MTR: variants seen among roughly 807,000 people sequenced by gnomAD.
MTR encodes 5-methyltetrahydrofolate-homocysteine methyltransferase.
In MTR, 84 loss-of-function variants were observed where a neutral mutation model predicts 154.8. That is an observed-to-expected ratio of 0.54 (90% CI 0.45 to 0.65). The LOEUF is 0.65. MTR is among the 30% of genes least tolerant of loss of function. The probability of loss-of-function intolerance (pLI) is 0.00; values close to 1 mark genes in which losing one functional copy is unlikely to be tolerated. For missense variants in MTR, 1,275 were observed against 1,570.2 expected (o/e 0.81, Z 3.18); for synonymous variants, 554 against 553.9 (o/e 1.00, Z 0.00).
chr1:236,824,305 A>G (rs1429960765), intron 9 of MTR, 86 bp downstream of exon 9: 3 of 1,172,622 alleles, frequency 2.6e-6, no homozygotes, highest in Non-Finnish European at 1.3e-6. Flanking sequence ...TGAATAAAAG[A>G]TCTTGTTTTG....
intron 29 of MTR, among the ~76,000 whole-genome samples, chr1:236,891,853 T>G (rs1422140403): frequency 6.6e-6 from 1 of 152,098 alleles, no homozygotes; most frequent in Admixed American, 6.5e-5. Flanking sequence ...TAAGTTTGTG[T>G]TTTACAGAGA....
At chr1:236,838,223 T>C (rs1172630363) in intron 14 of MTR, among the ~76,000 whole-genome samples, 191 bp from the exon 15 acceptor site, 1 of 152,274 alleles carries the variant, frequency 6.6e-6, no homozygotes, top group African/African-American at 2.4e-5. Context: ...ATGGAGTATC[T>C]TGTAAGACTG....
intron 13 of MTR, among the ~76,000 whole-genome samples, chr1:236,834,596 G>A (rs890139099): frequency 6.6e-6 from 1 of 151,874 alleles, no homozygotes; most frequent in Non-Finnish European, 1.5e-5. Flanking sequence ...CACAATGAGT[G>A]CTAAAAGTTT....
chr1:236,863,348 G>A (rs1326075411), intron 21 of MTR, 106 bp from the exon 22 acceptor site: 1 of 868,848 alleles, frequency 1.2e-6, no homozygotes, highest in Non-Finnish European at 1.9e-6. Flanking sequence ...AGGTGCTCTT[G>A]GTTGTATTGA....
rs562187930 is a variant in MTR, at chr1:236,875,721, CT to C, written c.2594+876del. Among the ~76,000 whole-genome samples, 149 of 152,250 alleles carry C rather than the reference CT, an allele frequency of 9.8e-4. 1 individual carries two copies. The highest frequency in any genetic ancestry group is 1.9e-3 in the Non-Finnish European group (126 of 68,012). On this transcript the variant is annotated intron_variant, in intron 24 of 32. Coordinates refer to ENST00000366577, the MANE Select transcript of MTR (RefSeq NM_000254.3). Reference sequence around the variant, plus strand: ...TCCATAGGTATGCCACAATAAAGGTCTGGTTATAGGTATGCAAAAGAAAAGT... The same window carrying C: ...TCCATAGGTATGCCACAATAAAGGTCGGTTATAGGTATGCAAAAGAAAAGT...
At chr1:236,830,101 C>T (rs1184791537) in intron 12 of MTR, among the ~76,000 whole-genome samples, 27 of 152,056 alleles carry the variant, frequency 1.8e-4, no homozygotes, top group Admixed American at 1.8e-3. Flanking sequence ...ACTTTTCTCA[C>T]TCAGAACATA....
intron 25 of MTR, among the ~76,000 whole-genome samples, chr1:236,884,155 C>G (rs1665896712): frequency 6.6e-6 from 1 of 152,168 alleles, no homozygotes; most frequent in Non-Finnish European, 1.5e-5. Context: ...AGCAGAAAGT[C>G]AGTGGACTAT....
intron 15 of MTR, among the ~76,000 whole-genome samples, chr1:236,848,577 C>G (rs577618896): frequency 6.6e-6 from 1 of 152,272 alleles, no homozygotes; most frequent in African/African-American, 2.4e-5. Context: ...CCTTTTCACT[C>G]TAACTGAAGG....
At chr1:236,819,314 T>C (rs971759901) in intron 8 of MTR, among the ~76,000 whole-genome samples, 1 of 152,232 alleles carries the variant, frequency 6.6e-6, no homozygotes, top group Non-Finnish European at 1.5e-5. Context: ...CCTATAGTTT[T>C]GCTGTTTCCA....
intron 29 of MTR, among the ~76,000 whole-genome samples, chr1:236,893,989 T>C (rs1666477717): frequency 6.6e-6 from 1 of 151,762 alleles, no homozygotes; most frequent in Non-Finnish European, 1.5e-5. Context: ...TTGAAAACAC[T>C]TGGGGACAAA....
In MTR at chr1:236,873,757, C is replaced by T. The variant is rs1258881099; in HGVS notation, c.2406-16C>T. Reference sequence around the variant, plus strand: ...GGCTTTCATTAATTTTCTCATGTCTCATTTCTGTGCCTCAGAGTTATTGAT... The same window carrying T: ...GGCTTTCATTAATTTTCTCATGTCTTATTTCTGTGCCTCAGAGTTATTGAT... On this transcript the variant is annotated splice_polypyrimidine_tract_variant and intron_variant, in intron 22 of 32. Coordinates refer to ENST00000366577, the MANE Select transcript of MTR (RefSeq NM_000254.3). 1 of 1,611,136 alleles carries T rather than the reference C, an allele frequency of 6.2e-7. No individual in the cohort carries two copies. The highest frequency in any genetic ancestry group is 8.5e-7 in the Non-Finnish European group (1 of 1,177,232).
At position 236,885,132 on chromosome 1, in the gene MTR, G is replaced by A; in HGVS notation, c.2688G>A (p.Leu896=). 6.2e-7 allele frequency: 1 copy of A among 1,604,126 alleles called. No individual in the cohort carries two copies. Among genetic ancestry groups the A allele is most frequent in the East Asian group, 2.2e-5 (1 of 44,842 alleles). Residue 896 remains leucine, a synonymous_variant, in exon 26 of 33, where the codon CTG becomes CTA. Coordinates refer to ENST00000366577, the MANE Select transcript of MTR (RefSeq NM_000254.3). ...ASKSVVVCSQ[L]LDENLKDEYF... ...TCTTGCATTTTCAGTGTTCCCAGCT[G>A]TTAGATGAAAATCTAAAGGATGAAT...
intron 18 of MTR, among the ~76,000 whole-genome samples, chr1:236,858,802 G>GTTTGGC (rs1664354826): frequency 6.6e-6 from 1 of 152,190 alleles, no homozygotes; most frequent in South Asian, 2.1e-4. Context: ...ACCTCCAGTT[G>GTTTGGC]AGGTGGAGAA....
chr1:236,887,492 G>A (rs1666079318), intron 27 of MTR, among the ~76,000 whole-genome samples: 4 of 152,228 alleles, frequency 2.6e-5, no homozygotes. Flanking sequence ...TATAGTTCAA[G>A]CTCCGATTAT....
Position 236,859,870 on chromosome 1 carries a change from A to G in MTR, c.1991A>G (p.Asp664Gly), listed in dbSNP as rs1485490753. Residue 664 changes from aspartate to glycine, a missense_variant, in exon 19 of 33, where the codon GAT becomes GGT. Physicochemically the swap from Asp to Gly is moderately conservative, Grantham distance 94. Coordinates refer to ENST00000366577, the MANE Select transcript of MTR (RefSeq NM_000254.3). ...GTGGKKVIQT[D>G]EWRNGPVEER... ...GGAGGGAAGAAAGTCATTCAGACTG[A>G]TGAGTGGAGAAATGGCCCTGTCGAA... is the stretch of plus-strand genomic sequence containing the variant. 1 of 1,614,074 alleles carries G rather than the reference A, an allele frequency of 6.2e-7. No individual in the cohort carries two copies. Among genetic ancestry groups the G allele is most frequent in the Non-Finnish European group, 8.5e-7 (1 of 1,179,950 alleles).
At chr1:236,848,001 C>T (rs543452850) in intron 15 of MTR, among the ~76,000 whole-genome samples, 5 of 152,314 alleles carry the variant, frequency 3.3e-5, no homozygotes, top group African/African-American at 1.2e-4. Context: ...TGACAAAGGC[C>T]TGTACACCAA....
At position 236,894,562 on chromosome 1, in the gene MTR, G is replaced by A. The variant is rs918326910; in HGVS notation, c.3405+5G>A. 1 of 1,613,846 alleles carries A rather than the reference G, an allele frequency of 6.2e-7. No individual in the cohort carries two copies. Among genetic ancestry groups the A allele is most frequent in the Non-Finnish European group, 8.5e-7 (1 of 1,180,036 alleles). The stretch of plus-strand genomic sequence containing the variant: ...CTGGGGGACCGGCTGGCAGAGGTAA[G>A]GCAGAGGCATTGCGCCGAGGGGCTG... On this transcript the variant is annotated splice_donor_5th_base_variant and intron_variant, in intron 30 of 32. Coordinates refer to ENST00000366577, the MANE Select transcript of MTR (RefSeq NM_000254.3).
intron 1 of MTR, chr1:236,800,003 GT>G: frequency 1.2e-5 from 12 of 966,422 alleles, no homozygotes; most frequent in Non-Finnish European, 1.5e-5. Flanking sequence ...GGGCTGGGTT[GT>G]TTTGTGGTAA....
At chr1:236,835,750 G>C in intron 14 of MTR, 63 bp downstream of exon 14, 1 of 1,599,470 alleles carries the variant, frequency 6.3e-7, no homozygotes, top group Non-Finnish European at 8.6e-7. Context: ...TCATTTAACC[G>C]TGCCAGTTGT....
Sources: allele counts gnomAD v4.1 joint callset (sites outside exome capture counted in the v4.1 genomes callset), GRCh38; gene constraint gnomAD v4.1.1; transcripts MANE v1.5; gene names NCBI Gene and HGNC (gene_info 2026-07-23, HGNC 2026-07-21).